Variants in SLC1A6 observed in about 807,000 individuals in gnomAD.
SLC1A6 encodes the protein solute carrier family 1 member 6.
A neutral mutation model predicts 42.1 loss-of-function variants in SLC1A6; 15 were observed. The observed-to-expected ratio is 0.36, with a 90% CI of 0.24 to 0.55. The LOEUF is 0.55. Among genes scored for constraint, SLC1A6 ranks in the 20% least tolerant of loss-of-function variants. The pLI is 0.88. For synonymous variants in SLC1A6, 317 were observed against 319.7 expected, an observed-to-expected ratio of 0.99 and a Z score of 0.09; for missense variants, 542 against 772.5, an observed-to-expected ratio of 0.70 and a Z score of 3.54.
chr19:14,968,980 C>T (rs1177810607), intron 3 of SLC1A6, among the ~76,000 whole-genome samples: 1 of 152,088 alleles, frequency 6.6e-6, no homozygotes, highest in Non-Finnish European at 1.5e-5. Context: ...GCTGGGATTA[C>T]AGGCACCTGC....
intron 1 of SLC1A6, among the ~76,000 whole-genome samples, chr19:14,998,900 T>C (rs12981736): frequency 0.15 from 14,785 of 101,958 alleles, 888 homozygotes; most frequent in East Asian, 0.33. Flanking sequence ...TTATTTTTAA[T>C]GGAGTCTTGC....
At chr19:14,954,931 CTTCA>C (rs946943629) in intron 7 of SLC1A6, among the ~76,000 whole-genome samples, 1 of 152,210 alleles carries the variant, frequency 6.6e-6, no homozygotes, top group Non-Finnish European at 1.5e-5. Context: ...GGTCTGCTGA[CTTCA>C]GGGAGGGCCC....
At position 14,999,220 on chromosome 19, in the gene SLC1A6, G is replaced by A. The variant is rs143388627; in HGVS notation, c.6+11265C>T. On this transcript the variant is annotated intron_variant, in intron 1 of 8. Coordinates refer to the SLC1A6 transcript ENST00000430939. Reference sequence around the variant, plus strand: ...TACTCTCTCTGAAGCCTGCTACCTGGTGGCTTCATCTGCAAAATAAGAACC... The same window carrying A: ...TACTCTCTCTGAAGCCTGCTACCTGATGGCTTCATCTGCAAAATAAGAACC... Among the ~76,000 whole-genome samples, 116 of 152,170 alleles carry A rather than the reference G, an allele frequency of 7.6e-4. No individual in the cohort carries two copies. The East Asian group carries it at 0.018, about 24-fold the overall frequency.
At chr19:15,010,592 G>C in exon 1 of SLC1A6, 1 of 648,124 alleles carries the variant, frequency 1.5e-6, no homozygotes, top group Non-Finnish European at 2.8e-6. Context: ...TGCTAGATGG[G>C]CTCTTTCTCA....
At chr19:14,956,449 G>T (rs1037401354) in intron 7 of SLC1A6, 27 bp downstream of exon 7, 1 of 1,465,410 alleles carries the variant, frequency 6.8e-7, no homozygotes, top group Non-Finnish European at 9.3e-7. Context: ...ACCAGGAATG[G>T]TGCTGGGGTG....
intron 6 of SLC1A6, among the ~76,000 whole-genome samples, chr19:14,959,399 T>A (rs1037074839): frequency 9.2e-5 from 14 of 152,226 alleles, no homozygotes; most frequent in Non-Finnish European, 1.2e-4. Flanking sequence ...AATTGCTTCT[T>A]CCCTCCTTTG....
chr19:15,009,031 T>C (rs1171577803), intron 1 of SLC1A6, among the ~76,000 whole-genome samples: 2 of 149,896 alleles, frequency 1.3e-5, no homozygotes, highest in Non-Finnish European at 3.0e-5. Context: ...AATATACATA[T>C]ATGCTATCTA....
chr19:14,952,121 C>T (rs1380380183), intron 9 of SLC1A6, among the ~76,000 whole-genome samples: 3 of 151,940 alleles, frequency 2.0e-5, no homozygotes, highest in Non-Finnish European at 2.9e-5. Flanking sequence ...CCGTAAACCT[C>T]CTGTTTTTAA....
chr19:14,963,831 CTTT>C (rs5827267), intron 5 of SLC1A6, among the ~76,000 whole-genome samples: 22 of 141,252 alleles, frequency 1.6e-4, no homozygotes, highest in Non-Finnish European at 2.9e-4. Flanking sequence ...CCTAAGTCCT[CTTT>C]TTTTTTTTTT....
At chr19:14,999,626 A>AT (rs1451655241) in intron 1 of SLC1A6, among the ~76,000 whole-genome samples, 2 of 152,084 alleles carry the variant, frequency 1.3e-5, no homozygotes, top group Admixed American at 6.6e-5. Flanking sequence ...CATACTTATC[A>AT]TTTTTTTGTG....
At chr19:14,989,343 C>A (rs1324981133) in intron 1 of SLC1A6, among the ~76,000 whole-genome samples, 3 of 152,054 alleles carry the variant, frequency 2.0e-5, no homozygotes, top group Non-Finnish European at 2.9e-5. Flanking sequence ...CTCACTGCAA[C>A]CTCCACCTCC....
At chr19:14,972,648 T>C in intron 2 of SLC1A6, 58 bp downstream of exon 2, 1 of 1,471,020 alleles carries the variant, frequency 6.8e-7, no homozygotes, top group South Asian at 1.2e-5. Flanking sequence ...AGGCCAGGAA[T>C]TTCCCTGAAG....
rs2145179835 is a variant in SLC1A6, at chr19:14,962,103, A to G, written c.834T>C (p.Phe278=). ...GTTTCATGCCACCAATGACCAGCCC[A>G]AAGGCCACAGAGAAGACCACGAGGC... ...ALGLVVFSVA[F]GLVIGGMKHK... Residue 278 remains phenylalanine (F), a synonymous_variant, in exon 6 of 10, where the codon TTT becomes TTC. Transcript: ENST00000594383. 5 of 1,614,066 alleles carry G rather than the reference A, an allele frequency of 3.1e-6. No individual in the cohort carries two copies. In the East Asian group the frequency reaches 1.1e-4, roughly 36 times the overall value.
At chr19:14,997,054 A>G (rs7254155) in intron 1 of SLC1A6, among the ~76,000 whole-genome samples, 48,125 of 152,062 alleles carry the variant, frequency 0.32, 7,789 homozygotes, top group Non-Finnish European at 0.35. Context: ...TTCTATTCCT[A>G]AAAAAGATAG....
chr19:14,975,849 G>A (rs1258624232), intron 1 of SLC1A6, among the ~76,000 whole-genome samples: 1 of 129,278 alleles, frequency 7.7e-6, no homozygotes, highest in Non-Finnish European at 1.6e-5. Context: ...AGGGGACAAA[G>A]GGAAGGGAAG....
chr19:14,953,547 G>A (rs2045432973), intron 8 of SLC1A6, among the ~76,000 whole-genome samples: 2 of 151,774 alleles, frequency 1.3e-5, no homozygotes, highest in East Asian at 1.9e-4. Flanking sequence ...GAGCCACCGC[G>A]CCTGACAGAG....
rs750405479 is a variant in SLC1A6 at position 14,972,796 on chromosome 19, G to C, written c.115C>G (p.Leu39Val). 1 of 1,613,078 alleles carries C rather than the reference G, an allele frequency of 6.2e-7. No individual in the cohort carries two copies. Among genetic ancestry groups the C allele is most frequent in the Non-Finnish European group, 8.5e-7 (1 of 1,179,738 alleles). ...SLQQRALRTR[L>V]RLQTMTLEHV... ...TCGAGGGTCATGGTCTGCAGGCGCA[G>C]GCGCGTGCGCAGTGCTCTCTGCTGC... Residue 39 changes from leucine to valine, a missense_variant, in exon 2 of 10, where the codon CTG (leucine) becomes GTG (valine). Physicochemically the swap from Leu to Val is conservative, Grantham distance 32. This residue lies in a region of SLC1A6 where 88 missense variants were observed against 85.5 expected (regional missense o/e 1.03). Transcript: ENST00000594383.
chr19:14,984,136 C>G (rs2045781587), upstream of SLC1A6, among the ~76,000 whole-genome samples: 2 of 151,904 alleles, frequency 1.3e-5, no homozygotes, highest in South Asian at 4.2e-4. Flanking sequence ...ATGGAGAAAC[C>G]CCGTCTCTAC....
In SLC1A6 at chr19:14,972,838, G is replaced by A. The variant is rs202133222; in HGVS notation, c.73C>T (p.Arg25Trp). ...QRLGRVGWLQ[R>W]LQESLQQRAL... Reference sequence around the variant, plus strand: ...CTCTGCTGCAGGCTTTCCTGCAGCCGCTGCAGCCAGCCCACCCGGCCCAGC... The same window carrying A: ...CTCTGCTGCAGGCTTTCCTGCAGCCACTGCAGCCAGCCCACCCGGCCCAGC... The change falls in exon 2 of 10, where the codon CGG becomes TGG. Residue 25 changes from arginine to tryptophan, a missense_variant. Arg to Trp is a moderately radical substitution (Grantham distance 101). Coordinates refer to ENST00000594383, the MANE Select transcript of SLC1A6 (RefSeq NM_005071.3). The A allele has an allele frequency of 5.2e-4, 834 of 1,603,670 alleles. 7 individuals are homozygous for A. Among genetic ancestry groups the A allele is most frequent in the Middle Eastern group, 1.5e-3 (9 of 6,012 alleles).
Sources: allele counts gnomAD v4.1 joint callset (sites outside exome capture counted in the v4.1 genomes callset), GRCh38; gene constraint gnomAD v4.1.1; regional missense constraint gnomAD v4.1.1; transcripts MANE v1.5; gene names NCBI Gene and HGNC (gene_info 2026-07-23, HGNC 2026-07-21).